The following SLC6A13 variants were observed in gnomAD, a reference collection of about 807,000 sequenced individuals.
The protein encoded by SLC6A13 is sodium- and chloride-dependent GABA transporter 2.
A neutral mutation model predicts 72.9 loss-of-function variants in SLC6A13; 69 were observed. The ratio of observed to expected loss-of-function variants is 0.95; its 90% CI spans 0.78 to 1.16. The LOEUF is 1.16. Ranked by LOEUF, SLC6A13 falls within the 50% of genes most tolerant of loss-of-function variation. The probability of loss-of-function intolerance (pLI) is 0.00; values close to 1 mark genes in which losing one functional copy is unlikely to be tolerated. For missense variants in SLC6A13, 735 were observed against 760.5 expected (o/e 0.97, Z 0.39); for synonymous variants, 303 against 303.0 (o/e 1.00, Z 0.00).
At chr12:248,233 C>A (rs1034326895) in intron 2 of SLC6A13, among the ~76,000 whole-genome samples, 1 of 151,748 alleles carries the variant, frequency 6.6e-6, no homozygotes, top group Non-Finnish European at 1.5e-5. Flanking sequence ...TAAGAAAATG[C>A]ACTTTGAATA....
At chr12:235,474 T>C (rs1941895577) in intron 6 of SLC6A13, among the ~76,000 whole-genome samples, 1 of 152,214 alleles carries the variant, frequency 6.6e-6, no homozygotes, top group Admixed American at 6.5e-5. Flanking sequence ...AGTTTCCAAA[T>C]AATACTTTTA....
intron 1 of SLC6A13, among the ~76,000 whole-genome samples, chr12:262,260 C>G (rs1189442781): frequency 6.6e-6 from 1 of 152,176 alleles, no homozygotes; most frequent in Non-Finnish European, 1.5e-5. Context: ...GCTGTAGAGT[C>G]AGATGAGGCC....
intron 2 of SLC6A13, among the ~76,000 whole-genome samples, chr12:250,833 CA>C (rs71045051): frequency 1.6e-3 from 133 of 82,608 alleles, no homozygotes; most frequent in Middle Eastern, 9.4e-3. Context: ...AATAGCCCCC[CA>C]AAAAAAAAAA....
At chr12:227,537 G>A in intron 8 of SLC6A13, 28 bp downstream of exon 8, 1 of 1,612,942 alleles carries the variant, frequency 6.2e-7, no homozygotes, top group Non-Finnish European at 8.5e-7. Context: ...ATGCAGGTGT[G>A]TGGCTCAGGC....
chr12:236,493 C>T (rs1941936726), intron 6 of SLC6A13, among the ~76,000 whole-genome samples: 1 of 152,260 alleles, frequency 6.6e-6, no homozygotes, highest in Non-Finnish European at 1.5e-5. Flanking sequence ...TCCCTTGAGC[C>T]ACAGCCTCCC....
intron 9 of SLC6A13, among the ~76,000 whole-genome samples, chr12:225,220 G>A (rs375200321): frequency 1.5e-4 from 23 of 152,362 alleles, no homozygotes; most frequent in African/African-American, 4.8e-4. Flanking sequence ...CTGTGACCTC[G>A]GAGGTCTTTT....
At chr12:222,667 A>T (rs1941262723) in intron 12 of SLC6A13, 35 bp from the exon 13 acceptor site, 2 of 1,434,988 alleles carry the variant, frequency 1.4e-6, no homozygotes, top group Non-Finnish European at 1.9e-6. Context: ...AGGAGGAGAA[A>T]GTCATTCTTT....
intron 2 of SLC6A13, among the ~76,000 whole-genome samples, chr12:258,072 A>C (rs1942805164): frequency 6.6e-6 from 1 of 152,192 alleles, no homozygotes; most frequent in Admixed American, 6.5e-5. Flanking sequence ...TCAGGCCTAA[A>C]TTCCTAAACA....
intron 2 of SLC6A13, among the ~76,000 whole-genome samples, chr12:250,780 A>C (rs906428399): frequency 2.7e-5 from 4 of 149,976 alleles, no homozygotes; most frequent in Non-Finnish European, 5.9e-5. Context: ...GTAGAAATTC[A>C]CAAATTCTTT....
At chr12:257,195 C>CA (rs60144984) in intron 2 of SLC6A13, 6,134 of 139,022 alleles carry the variant, frequency 0.044, 270 homozygotes, top group African/African-American at 0.12. Context: ...CTGAGAACAC[C>CA]AAAAAAAAAA....
chr12:243,607 A>G (rs1942245893), intron 3 of SLC6A13, 72 bp downstream of exon 3: 2 of 1,470,970 alleles, frequency 1.4e-6, no homozygotes, highest in Admixed American at 2.0e-5. Flanking sequence ...GCTACTAATC[A>G]CTCAAGTCAT....
chr12:229,167 G>A (rs1941602476), intron 7 of SLC6A13, among the ~76,000 whole-genome samples: 1 of 152,156 alleles, frequency 6.6e-6, no homozygotes, highest in Non-Finnish European at 1.5e-5. Flanking sequence ...AGCCAGGGAG[G>A]AAATCACACA....
intron 6 of SLC6A13, 33 bp downstream of exon 6, chr12:237,125 G>A (rs1240526185): frequency 6.2e-7 from 1 of 1,612,038 alleles, no homozygotes; most frequent in African/African-American, 1.3e-5. Context: ...CAGGAGTCCG[G>A]GAATGGGAGG....
chr12:246,290 C>A (rs1942348611), intron 2 of SLC6A13, among the ~76,000 whole-genome samples: 1 of 151,940 alleles, frequency 6.6e-6, no homozygotes, highest in Non-Finnish European at 1.5e-5. Flanking sequence ...TGCACTCCAG[C>A]CTGGCAACAG....
chr12:222,180 G>A lies in SLC6A13; in HGVS notation c.1515+352C>T, dbSNP rs138131264. ...TACGAGTTAAAGCACCTTGTGCCCA[G>A]CACAAAGTCAGGGCTCTATACCGGC... On this transcript the variant is annotated intron_variant, in intron 13 of 14. Coordinates refer to ENST00000343164, the MANE Select transcript of SLC6A13 (RefSeq NM_016615.5). Among the ~76,000 whole-genome samples, 323 of 152,356 alleles carry A rather than the reference G, an allele frequency of 2.1e-3. 1 individual carries two copies. Among genetic ancestry groups the A allele is most frequent in the African/African-American group, 6.3e-3 (261 of 41,580 alleles).
intron 7 of SLC6A13, among the ~76,000 whole-genome samples, chr12:232,322 C>A (rs1483852497): frequency 6.6e-6 from 1 of 152,198 alleles, no homozygotes; most frequent in Non-Finnish European, 1.5e-5. Context: ...CTCAACTCTG[C>A]CCCTCCAGAA....
intron 12 of SLC6A13, among the ~76,000 whole-genome samples, 198 bp downstream of exon 12, chr12:222,934 A>G (rs1233685776): frequency 6.6e-6 from 1 of 152,024 alleles, no homozygotes; most frequent in Non-Finnish European, 1.5e-5. Context: ...GTACAGCTAT[A>G]ACCAAGACTG....
chr12:221,505 G>A lies in SLC6A13; in HGVS notation c.1557C>T (p.Thr519=). 2 of 1,612,604 alleles carry A rather than the reference G, an allele frequency of 1.2e-6. No homozygotes were observed. Among genetic ancestry groups the A allele is most frequent in the Non-Finnish European group, 1.7e-6 (2 of 1,179,224 alleles). Residue 519 remains threonine, a synonymous_variant, in exon 14 of 15, where the codon ACC becomes ACT. Transcript: ENST00000343164. The part of the protein sequence containing the change: ...LFSLIKYTPL[T]YNKKYTYPWW... ...ACGGGTACGTGTACTTCTTGTTGTA[G>A]GTCAGCGGAGTGTACTTTATCAGGG... is the stretch of plus-strand genomic sequence containing the variant.
rs1941331398 is a variant in SLC6A13, at chr12:224,047, A to T, written c.1256T>A (p.Leu419His). 6.2e-7 allele frequency: 1 copy of T among 1,613,900 alleles called. No homozygotes were observed. The highest frequency in any genetic ancestry group is 1.3e-5 in the African/African-American group (1 of 74,868). ...VFRKKNRREV[L>H]ILGVSVVSFL... Reference sequence around the variant, plus strand: ...GGAGACGACAGATACTCCAAGGATGAGGACTTCCCTCCGGTTCTTCTTGCG... The same window carrying T: ...GGAGACGACAGATACTCCAAGGATGTGGACTTCCCTCCGGTTCTTCTTGCG... The change falls in exon 11 of 15, where the codon CTC (leucine) becomes CAC (histidine). Residue 419 changes from leucine to histidine, a missense_variant. Coordinates refer to ENST00000343164, the MANE Select transcript of SLC6A13 (RefSeq NM_016615.5).
Sources: gnomAD v4.1 joint callset for allele counts (sites outside exome capture counted in the v4.1 genomes callset) on GRCh38, gnomAD v4.1.1 for gene constraint, MANE v1.5 for transcripts, NCBI Gene and HGNC (gene_info 2026-07-23, HGNC 2026-07-21) for gene names.